Variants in KIAA0825 observed in about 807,000 individuals in gnomAD.
KIAA0825 encodes KIAA0825.
Under a neutral mutation model 147.6 loss-of-function variants are expected in KIAA0825, and 119 were observed. The observed-to-expected ratio is 0.81, with a 90% CI of 0.69 to 0.94. KIAA0825 has a LOEUF of 0.94. KIAA0825 is among the 40% of genes least tolerant of loss of function. The pLI is 0.00. For missense variants in KIAA0825, 1,381 were observed against 1,472.7 expected (o/e 0.94, Z 1.02); for synonymous variants, 470 against 518.1 (o/e 0.91, Z 1.26).
intron 20 of KIAA0825, among the ~76,000 whole-genome samples, chr5:94,224,082 CTTTTTTTTTTTTTTTTTTTT>C (rs869059424): frequency 8.9e-5 from 5 of 56,436 alleles, no homozygotes; most frequent in African/African-American, 3.4e-4. Flanking sequence ...TTTTTCTTTT[CTTTTTTTTTTTTTTTTTTTT>C]TTTTTTTTTG....
rs577243183 is a variant in KIAA0825 at position 94,352,894 on chromosome 5, G to A, written c.3710+31474C>T. ...AAGCTATGAGGATGCGAAGGCATAA[G>A]AATGATGCAATGGACTTTGGGGACT... On this transcript the variant is annotated intron_variant, in intron 20 of 20. Coordinates refer to ENST00000682413, the MANE Select transcript of KIAA0825 (RefSeq NM_001145678.3). 8.6e-4 allele frequency among the ~76,000 whole-genome samples: 129 copies of A among 150,824 alleles called. 1 individual carries two copies. Among genetic ancestry groups the A allele is most frequent in the African/African-American group, 2.9e-3 (121 of 41,182 alleles).
At chr5:94,305,189 C>A (rs1411053804) in intron 20 of KIAA0825, among the ~76,000 whole-genome samples, 1 of 151,918 alleles carries the variant, frequency 6.6e-6, no homozygotes, top group African/African-American at 2.4e-5. Flanking sequence ...TGTATTTTGT[C>A]ACCAAGATTT....
At position 94,531,619 on chromosome 5, in the gene KIAA0825, A is replaced by C. The variant is rs1408482880; in HGVS notation, c.131+5377T>G. Among the ~76,000 whole-genome samples the C allele has an allele frequency of 2.0e-5, 3 of 152,204 alleles. No individual in the cohort carries two copies. In the East Asian group the frequency reaches 5.8e-4, roughly 29 times the overall value. ...CCAGTCAGAGTTGGAAAGTGGGTTA[A>C]GGTTTTACTCTGAGTTCAACAGCAG... On this transcript the variant is annotated intron_variant, in intron 3 of 20. Transcript: ENST00000682413.
At chr5:94,489,693 C>G (rs906721237) in intron 5 of KIAA0825, among the ~76,000 whole-genome samples, 6 of 151,626 alleles carry the variant, frequency 4.0e-5, no homozygotes, top group Admixed American at 2.0e-4. Context: ...CGAGATCAGC[C>G]TGGCCAACAT....
chr5:94,441,396 G>A (rs1023615557), intron 13 of KIAA0825, among the ~76,000 whole-genome samples: 1 of 152,132 alleles, frequency 6.6e-6, no homozygotes, highest in African/African-American at 2.4e-5. Context: ...GTAGGGTTAG[G>A]ACCAATTAGC....
intron 20 of KIAA0825, among the ~76,000 whole-genome samples, chr5:94,310,047 A>G (rs1779020682): frequency 6.6e-6 from 1 of 151,760 alleles, no homozygotes; most frequent in Non-Finnish European, 1.5e-5. Context: ...ATGAAATTGT[A>G]AGGATCTTTT....
At chr5:94,244,336 G>GT (rs1348845751) in intron 20 of KIAA0825, among the ~76,000 whole-genome samples, 3 of 152,106 alleles carry the variant, frequency 2.0e-5, no homozygotes, top group Non-Finnish European at 4.4e-5. Context: ...TTGAATCTTG[G>GT]TTTTTTGTGG....
Position 94,403,718 on chromosome 5 carries a change from G to C in KIAA0825, c.2738C>G (p.Thr913Ser). ...RLALTDAIKDTVQQIVSVMSS... is the reference protein window; with the variant it reads ...RLALTDAIKDSVQQIVSVMSS... ...CATTACAGATACTATCTGCTGTACAGTGTCCTTGATGGCATCGGTCAGTGC... is the reference window on the plus strand; with the variant it reads ...CATTACAGATACTATCTGCTGTACACTGTCCTTGATGGCATCGGTCAGTGC... Residue 913 changes from threonine (T) to serine (S), a missense_variant, in exon 16 of 21, where the codon ACT becomes AGT. Coordinates refer to ENST00000682413, the MANE Select transcript of KIAA0825 (RefSeq NM_001145678.3). The C allele has an allele frequency of 6.4e-7, 1 of 1,551,574 alleles. No individual in the cohort carries two copies. The highest frequency in any genetic ancestry group is 8.7e-7 in the Non-Finnish European group (1 of 1,146,902).
chr5:94,422,544 A>G (rs1324174439), intron 14 of KIAA0825, among the ~76,000 whole-genome samples: 2 of 152,150 alleles, frequency 1.3e-5, no homozygotes, highest in Admixed American at 6.6e-5. Flanking sequence ...GTCTTTTATC[A>G]TAGGTGCCTC....
At chr5:94,155,403 G>T (rs1414961212) in intron 20 of KIAA0825, among the ~76,000 whole-genome samples, 1 of 151,470 alleles carries the variant, frequency 6.6e-6, no homozygotes, top group African/African-American at 2.4e-5. Context: ...ATTTTTTGTA[G>T]AGACAGGGTC....
chr5:94,438,596 C>T (rs1329039719), intron 14 of KIAA0825, among the ~76,000 whole-genome samples: 1 of 151,982 alleles, frequency 6.6e-6, no homozygotes, highest in Non-Finnish European at 1.5e-5. Flanking sequence ...TTGTGATGAC[C>T]TTTGGCACCA....
At chr5:94,351,439 A>G (rs1056916460) in intron 20 of KIAA0825, among the ~76,000 whole-genome samples, 2 of 152,212 alleles carry the variant, frequency 1.3e-5, no homozygotes, top group Non-Finnish European at 1.5e-5. Flanking sequence ...GAAATAATAG[A>G]TGACATGAAC....
intron 20 of KIAA0825, among the ~76,000 whole-genome samples, chr5:94,302,273 T>C (rs1478895803): frequency 1.3e-5 from 2 of 152,142 alleles, no homozygotes; most frequent in Non-Finnish European, 2.9e-5. Flanking sequence ...TAGCCTAACA[T>C]ATGTTCTATT....
At chr5:94,402,844 G>T (rs1187881629) in intron 16 of KIAA0825, among the ~76,000 whole-genome samples, 1 of 151,890 alleles carries the variant, frequency 6.6e-6, no homozygotes, top group East Asian at 1.9e-4. Flanking sequence ...ATAATCAAAA[G>T]ATTCACGAAT....
intron 15 of KIAA0825, among the ~76,000 whole-genome samples, chr5:94,407,552 A>G (rs948665616): frequency 6.6e-6 from 1 of 152,246 alleles, no homozygotes; most frequent in Non-Finnish European, 1.5e-5. Flanking sequence ...ACATGGATTA[A>G]CCTTGAAAAT....
At chr5:94,617,299 A>T (rs575854971) in intron 1 of KIAA0825, among the ~76,000 whole-genome samples, 1 of 152,318 alleles carries the variant, frequency 6.6e-6, no homozygotes, top group South Asian at 2.1e-4. Flanking sequence ...ACAAGATTCA[A>T]CAAAATGTCA....
chr5:94,386,544 T>C (rs1043848247), intron 18 of KIAA0825, 140 bp from the exon 19 acceptor site: 2 of 672,718 alleles, frequency 3.0e-6, no homozygotes, highest in African/African-American at 3.6e-5. Flanking sequence ...AAGAATATAT[T>C]TTCAGAAGAT....
At chr5:94,232,364 T>A (rs534274053) in intron 20 of KIAA0825, among the ~76,000 whole-genome samples, 1 of 152,104 alleles carries the variant, frequency 6.6e-6, no homozygotes, top group Non-Finnish European at 1.5e-5. Flanking sequence ...TTTAAAGGAA[T>A]TAAGGTCAGC....
In KIAA0825 at chr5:94,200,316, C is replaced by A. The variant is rs367673980; in HGVS notation, c.3711-46192G>T. Among the ~76,000 whole-genome samples the A allele has an allele frequency of 2.5e-4, 38 of 152,132 alleles. 1 individual carries two copies. Among genetic ancestry groups the A allele is most frequent in the African/African-American group, 8.9e-4 (37 of 41,428 alleles). On this transcript the variant is annotated intron_variant, in intron 20 of 20. Transcript: ENST00000682413. Reference sequence around the variant, plus strand: ...GAGCTCCTCAGGGCCAGGAATAAGCCTTAGTGCTTGGCAACCCAGTGCAGG... The same window carrying A: ...GAGCTCCTCAGGGCCAGGAATAAGCATTAGTGCTTGGCAACCCAGTGCAGG...
Sources: gnomAD v4.1 joint callset for allele counts (sites outside exome capture counted in the v4.1 genomes callset) on GRCh38, gnomAD v4.1.1 for gene constraint, MANE v1.5 for transcripts, NCBI Gene and HGNC (gene_info 2026-07-23, HGNC 2026-07-21) for gene names.